The following KCNAB1 variants were observed in gnomAD, a reference collection of about 807,000 sequenced individuals.
The protein encoded by KCNAB1 is potassium voltage-gated channel subfamily A regulatory beta subunit 1, also known as voltage-gated potassium channel subunit beta-1.
Under a neutral mutation model 64.6 loss-of-function variants are expected in KCNAB1, and 35 were observed. That is an observed-to-expected ratio of 0.54 (90% confidence interval 0.41 to 0.72). The LOEUF is 0.72. Ranked by LOEUF, KCNAB1 falls within the 30% of genes least tolerant of loss-of-function variation. The probability of loss-of-function intolerance (pLI) is 0.00; values close to 1 mark genes in which losing one functional copy is unlikely to be tolerated. For synonymous variants in KCNAB1, 177 were observed against 183.8 expected, an observed-to-expected ratio of 0.96 and a Z score of 0.30; for missense variants, 401 against 512.9, an observed-to-expected ratio of 0.78 and a Z score of 2.11.
intron 1 of KCNAB1, among the ~76,000 whole-genome samples, chr3:156,286,509 T>C (rs1319585516): frequency 6.6e-6 from 1 of 152,178 alleles, no homozygotes; most frequent in Non-Finnish European, 1.5e-5. Context: ...AAATTCTGAG[T>C]GGACCCAGCA....
chr3:156,511,734 G>C (rs181167110), intron 8 of KCNAB1, among the ~76,000 whole-genome samples: 1 of 152,282 alleles, frequency 6.6e-6, no homozygotes, highest in East Asian at 1.9e-4. Flanking sequence ...AGTCCTCCCT[G>C]TTACTAATGA....
intron 8 of KCNAB1, among the ~76,000 whole-genome samples, chr3:156,512,806 C>T (rs2679597): frequency 0.22 from 33,307 of 152,130 alleles, 4,155 homozygotes; most frequent in South Asian, 0.34. Flanking sequence ...GAGTCTTTCT[C>T]CAAGAAAAAG....
chr3:156,365,005 G>A (rs1680876640), intron 1 of KCNAB1, among the ~76,000 whole-genome samples: 1 of 152,194 alleles, frequency 6.6e-6, no homozygotes, highest in Non-Finnish European at 1.5e-5. Flanking sequence ...TAGTGAAGAT[G>A]TGGATTGTCA....
Position 156,175,981 on chromosome 3 carries a change from G to A in KCNAB1, c.275+55095G>A, listed in dbSNP as rs1577673897. The A allele has an allele frequency of 3.0e-6, 3 of 988,310 alleles. No homozygotes were observed. In the East Asian group the frequency reaches 7.5e-5, roughly 25 times the overall value. 61.2% of individuals were successfully genotyped at this position (988,310 alleles called of 1,614,324 possible). On this transcript the variant is annotated intron_variant, in intron 1 of 13. Coordinates refer to ENST00000490337, the MANE Select transcript of KCNAB1 (RefSeq NM_172160.3). ...CTCATACAGTATTCTCCTGCTTGTG[G>A]TATCCCACACATACACAAACCTGTC...
At chr3:156,460,495 A>G (rs1049025624) in intron 5 of KCNAB1, 11 of 152,336 alleles carry the variant, frequency 7.2e-5, no homozygotes, top group African/African-American at 1.4e-4. Flanking sequence ...TATAACATCT[A>G]TGGGCAGTGG....
chr3:156,395,911 C>G (rs1411091665), intron 1 of KCNAB1, among the ~76,000 whole-genome samples: 5 of 152,124 alleles, frequency 3.3e-5, no homozygotes, highest in Non-Finnish European at 7.4e-5. Context: ...ACGTTGTTAC[C>G]GTGTGTAGAA....
chr3:156,202,307 A>G (rs1714385738), intron 1 of KCNAB1, among the ~76,000 whole-genome samples: 2 of 152,182 alleles, frequency 1.3e-5, no homozygotes, highest in African/African-American at 2.4e-5. Context: ...TGCCTCTTCA[A>G]CTTACCCATT....
At chr3:156,422,832 G>A (rs1053190643) in intron 2 of KCNAB1, among the ~76,000 whole-genome samples, 8 of 152,084 alleles carry the variant, frequency 5.3e-5, no homozygotes, top group African/African-American at 1.9e-4. Context: ...TTAAGAAATC[G>A]AGAAAGTGAG....
intron 1 of KCNAB1, among the ~76,000 whole-genome samples, chr3:156,285,162 A>ATATAAAATAAATGTGTACTCGGG (rs1468550657): frequency 3.3e-5 from 5 of 152,230 alleles, no homozygotes; most frequent in African/African-American, 1.2e-4. Context: ...TATTAGTGAT[A>ATATAAAATAAATGTGTACTCGGG]TATAAAATAA....
At chr3:156,149,579 G>A (rs965593408) in intron 1 of KCNAB1, among the ~76,000 whole-genome samples, 2 of 152,132 alleles carry the variant, frequency 1.3e-5, no homozygotes, top group African/African-American at 4.8e-5. Context: ...GTGCAAACAT[G>A]ATGTTCTAGC....
chr3:156,222,625 T>C (rs1715856910), intron 1 of KCNAB1, among the ~76,000 whole-genome samples: 1 of 152,204 alleles, frequency 6.6e-6, no homozygotes, highest in South Asian at 2.1e-4. Context: ...CTGTAGAATA[T>C]ACATTCTATT....
intron 1 of KCNAB1, among the ~76,000 whole-genome samples, chr3:156,195,816 C>G (rs992976308): frequency 6.6e-6 from 1 of 152,116 alleles, no homozygotes; most frequent in African/African-American, 2.4e-5. Context: ...TCAATTTTGG[C>G]TTCTGTGGTC....
At chr3:156,365,321 G>A (rs1725877499) in intron 1 of KCNAB1, among the ~76,000 whole-genome samples, 1 of 152,216 alleles carries the variant, frequency 6.6e-6, no homozygotes, top group African/African-American at 2.4e-5. Flanking sequence ...ACATGTGTAA[G>A]TTGCCTGGTA....
intron 1 of KCNAB1, among the ~76,000 whole-genome samples, chr3:156,182,920 G>A (rs1712960338): frequency 1.3e-5 from 2 of 151,662 alleles, no homozygotes; most frequent in South Asian, 4.2e-4. Context: ...GGCTGGTCTT[G>A]AACTCCTGAC....
intron 11 of KCNAB1, 43 bp downstream of exon 11, chr3:156,516,407 G>A (rs199959393): frequency 2.2e-6 from 3 of 1,382,706 alleles, no homozygotes; most frequent in South Asian, 2.3e-5. Context: ...GAGTAGGAAG[G>A]AGGGAAGAAG....
intron 1 of KCNAB1, among the ~76,000 whole-genome samples, chr3:156,174,842 G>A (rs1712245267): frequency 6.6e-6 from 1 of 152,200 alleles, no homozygotes; most frequent in African/African-American, 2.4e-5. Context: ...CAATGAGGGT[G>A]CATCTGCCAG....
rs148639786 is a variant in KCNAB1 at position 156,488,791 on chromosome 3, C to A, written c.658+13971C>A. 1.2e-4 allele frequency among the ~76,000 whole-genome samples: 18 copies of A among 152,130 alleles called. 1 individual carries two copies. Among genetic ancestry groups the A allele is most frequent in the Middle Eastern group, 6.8e-3 (2 of 294 alleles). ...GAGATATGTTAAAAAATGGTTATAG[C>A]AATCTAGATGAGAGAATAGGGTGCA... On this transcript the variant is annotated intron_variant, in intron 8 of 13. Transcript: ENST00000490337.
At chr3:156,292,835 G>A (rs79271018) in intron 1 of KCNAB1, among the ~76,000 whole-genome samples, 10 of 152,288 alleles carry the variant, frequency 6.6e-5, no homozygotes, top group East Asian at 3.9e-4. Flanking sequence ...AAACCACCGC[G>A]CCTGGCCTTA....
intron 1 of KCNAB1, among the ~76,000 whole-genome samples, chr3:156,163,680 G>C (rs1295953262): frequency 6.6e-6 from 1 of 152,190 alleles, no homozygotes; most frequent in Non-Finnish European, 1.5e-5. Context: ...CCTGGCACCA[G>C]CTGAATCTTA....
Sources: allele counts gnomAD v4.1 joint callset (sites outside exome capture counted in the v4.1 genomes callset), GRCh38; gene constraint gnomAD v4.1.1; transcripts MANE v1.5; gene names NCBI Gene and HGNC (gene_info 2026-07-23, HGNC 2026-07-21).